EFEMP1: variants seen among roughly 807,000 people sequenced by gnomAD.
The protein encoded by EFEMP1 is EGF-like fibulin extracellular matrix protein 1.
Under a neutral mutation model 65.7 loss-of-function variants are expected in EFEMP1, and 18 were observed. That is an observed-to-expected ratio of 0.27 (90% confidence interval 0.19 to 0.41). EFEMP1 has a LOEUF of 0.41. Among genes scored for constraint, EFEMP1 ranks in the 10% least tolerant of loss-of-function variants. The pLI, the probability that EFEMP1 is intolerant of heterozygous loss-of-function variation, is 1.00. For synonymous variants in EFEMP1, 237 were observed against 219.7 expected (o/e 1.08, Z -0.70); for missense variants, 469 against 624.8 (o/e 0.75, Z 2.66).
rs766271585 is a variant in EFEMP1 at position 55,871,626 on chromosome 2, G to A, written c.1001-503C>T. Among the ~76,000 whole-genome samples the A allele has an allele frequency of 2.6e-5, 4 of 152,028 alleles. No homozygotes were observed. The highest frequency in any genetic ancestry group is 6.6e-5 in the Admixed American group (1 of 15,244). ...CCTTGAAGGGTGGTGGTTAGATGGA[G>A]TTTTCATGGCTGGGGCAGGGAAGGC... is the stretch of plus-strand genomic sequence containing the variant. On this transcript the variant is annotated intron_variant, in intron 9 of 11. Coordinates refer to ENST00000355426, the MANE Select transcript of EFEMP1 (RefSeq NM_001039348.3). The surrounding 1 kb of genome is among the most constrained non-coding windows in gnomAD (Gnocchi z 4.2).
At chr2:55,904,053 T>C (rs533445738) in intron 5 of EFEMP1, among the ~76,000 whole-genome samples, 1 of 152,178 alleles carries the variant, frequency 6.6e-6, no homozygotes, top group Admixed American at 6.5e-5. Context: ...GTTTGCTCCG[T>C]TTTTGCTTTT....
In EFEMP1 at chr2:55,871,829, A is replaced by G. The variant is rs546214355; in HGVS notation, c.1001-706T>C. On this transcript the variant is annotated intron_variant, in intron 9 of 11. Transcript: ENST00000355426. The surrounding 1 kb of genome is among the most constrained non-coding windows in gnomAD (Gnocchi z 4.2). Reference sequence around the variant, plus strand: ...AGGAAGTGAAACTATGAAGTGTTCCACCTCATAGAGCATAGCAATTTTAGG... The same window carrying G: ...AGGAAGTGAAACTATGAAGTGTTCCGCCTCATAGAGCATAGCAATTTTAGG... Among the ~76,000 whole-genome samples the G allele has an allele frequency of 2.3e-4, 35 of 152,182 alleles. No individual in the cohort carries two copies. The South Asian group carries it at 6.0e-3, about 26-fold the overall frequency.
intron 5 of EFEMP1, among the ~76,000 whole-genome samples, chr2:55,915,473 A>G (rs911128611): frequency 1.3e-5 from 2 of 152,202 alleles, no homozygotes; most frequent in African/African-American, 4.8e-5. Flanking sequence ...TAATCACAGT[A>G]CAGTTTCTAC....
Position 55,871,012 on chromosome 2 carries a change from A to G in EFEMP1, c.1112T>C (p.Leu371Pro). 6.2e-7 allele frequency: 1 copy of G among 1,613,768 alleles called. No individual in the cohort carries two copies. The highest frequency in any genetic ancestry group is 8.5e-7 in the Non-Finnish European group (1 of 1,179,802). The stretch of plus-strand genomic sequence containing the variant: ...TGATTTTTCTTACTTCTCTGGTGTT[A>G]GAATGTAGGGATCTTGACAAGGATT... ...PRNPCQDPYILTPENRCVCPV... is the reference protein window; with the variant it reads ...PRNPCQDPYIPTPENRCVCPV... Residue 371 changes from leucine (L) to proline (P), a missense_variant, in exon 10 of 12, where the codon CTA becomes CCA. Leu to Pro is a moderately conservative substitution (Grantham distance 98). This residue lies in a region of EFEMP1 where 399 missense variants were observed against 528.2 expected (regional missense o/e 0.76). Transcript: ENST00000355426. This position sits in a 1 kb window ranked among gnomAD's most constrained non-coding sequence, Gnocchi z 4.2.
At chr2:55,878,191 A>G (rs1212013887) in intron 6 of EFEMP1, among the ~76,000 whole-genome samples, 1 of 152,200 alleles carries the variant, frequency 6.6e-6, no homozygotes, top group East Asian at 1.9e-4. Flanking sequence ...TAATTACAGA[A>G]GTAAAAAAGA....
intron 9 of EFEMP1, among the ~76,000 whole-genome samples, chr2:55,874,714 ATC>A (rs1323019979): frequency 4.6e-5 from 7 of 152,086 alleles, no homozygotes; most frequent in African/African-American, 1.4e-4. Context: ...TAGAATACAT[ATC>A]AATATTTTAT....
chr2:55,911,587 G>A (rs1208267133), intron 5 of EFEMP1, among the ~76,000 whole-genome samples: 6 of 152,010 alleles, frequency 3.9e-5, no homozygotes, highest in African/African-American at 1.2e-4. Context: ...CAGATTGCTG[G>A]TGCTGGCCCC....
At chr2:55,918,623 A>AG (rs1001140997) in intron 3 of EFEMP1, among the ~76,000 whole-genome samples, 3 of 151,246 alleles carry the variant, frequency 2.0e-5, no homozygotes, top group African/African-American at 7.3e-5. Flanking sequence ...TAAAAAAAAA[A>AG]AAGACCAAAT....
At chr2:55,896,344 TC>T (rs1243785681) in intron 5 of EFEMP1, among the ~76,000 whole-genome samples, 1 of 152,218 alleles carries the variant, frequency 6.6e-6, no homozygotes, top group Non-Finnish European at 1.5e-5. Context: ...AATCCAGTGT[TC>T]CAGTAAGTGG....
intron 5 of EFEMP1, among the ~76,000 whole-genome samples, chr2:55,900,976 A>T (rs910555570): frequency 2.6e-5 from 4 of 152,212 alleles, no homozygotes; most frequent in Admixed American, 6.5e-5. Context: ...TTTAACTCTT[A>T]AACAACCTAT....
intron 5 of EFEMP1, among the ~76,000 whole-genome samples, chr2:55,890,668 T>C (rs901797851): frequency 6.6e-6 from 1 of 152,066 alleles, no homozygotes; most frequent in African/African-American, 2.4e-5. Flanking sequence ...AGCCCTTCTT[T>C]TGGAAAATTA....
At chr2:55,872,658 C>T (rs548884736) in intron 9 of EFEMP1, among the ~76,000 whole-genome samples, 1 of 152,146 alleles carries the variant, frequency 6.6e-6, no homozygotes, top group East Asian at 1.9e-4. Context: ...ATTTTAGCTT[C>T]CAAACTGGCT....
At position 55,877,914 on chromosome 2, in the gene EFEMP1, A is replaced by T; in HGVS notation, c.641-49T>A. 2 of 1,607,232 alleles carry T rather than the reference A, an allele frequency of 1.2e-6. No homozygotes were observed. Among genetic ancestry groups the T allele is most frequent in the Middle Eastern group, 1.7e-4 (1 of 6,014 alleles). On this transcript the variant is annotated intron_variant, in intron 6 of 11. Coordinates refer to ENST00000355426, the MANE Select transcript of EFEMP1 (RefSeq NM_001039348.3). The surrounding 1 kb of genome is among the most constrained non-coding windows in gnomAD (Gnocchi z 4.5). ...AAGAGAACCAAATTATTGAATTAGCATTCTCTGAAAAGCATTATCTAGAAA... is the reference window on the plus strand; with the variant it reads ...AAGAGAACCAAATTATTGAATTAGCTTTCTCTGAAAAGCATTATCTAGAAA...
Position 55,883,087 on chromosome 2 carries a change from G to T in EFEMP1, c.518-1353C>A, listed in dbSNP as rs1373045521. ...AGAAATCAGCTTCACTTAGCTGGGT[G>T]TGGAAATGATAAGAGAGATTCTTTC... On this transcript the variant is annotated intron_variant, in intron 5 of 11. Transcript: ENST00000355426. This position sits in a 1 kb window ranked among gnomAD's most constrained non-coding sequence, Gnocchi z 4.5. Among the ~76,000 whole-genome samples the T allele has an allele frequency of 6.6e-6, 1 of 152,140 alleles. No homozygotes were observed. The highest frequency in any genetic ancestry group is 1.5e-5 in the Non-Finnish European group (1 of 68,016).
At chr2:55,911,086 T>C (rs1348214399) in intron 5 of EFEMP1, among the ~76,000 whole-genome samples, 1 of 152,196 alleles carries the variant, frequency 6.6e-6, no homozygotes, top group African/African-American at 2.4e-5. Flanking sequence ...AATAGTTATA[T>C]GATTGCATAT....
Position 55,881,658 on chromosome 2 carries a change from T to C in EFEMP1, c.594A>G (p.Ala198=). The C allele has an allele frequency of 6.2e-7, 1 of 1,613,950 alleles. No homozygotes were observed. Among genetic ancestry groups the C allele is most frequent in the Non-Finnish European group, 8.5e-7 (1 of 1,179,920 alleles). ...QVCINLRGSF[A]CQCPPGYQKR... is the part of the protein sequence containing the mutation. ...TCTGATATCCAGGAGGGCACTGACA[T>C]GCAAAGGATCCCCGTAAATTGATGC... Residue 198 remains alanine, a synonymous_variant, in exon 6 of 12, where the codon GCA becomes GCG. Coordinates refer to ENST00000355426, the MANE Select transcript of EFEMP1 (RefSeq NM_001039348.3).
chr2:55,907,739 A>C (rs1288552422), intron 5 of EFEMP1, among the ~76,000 whole-genome samples: 1 of 152,182 alleles, frequency 6.6e-6, no homozygotes, highest in Non-Finnish European at 1.5e-5. Context: ...GTTGGACCCC[A>C]TGAGTTGTTT....
At chr2:55,891,536 A>T (rs1669626757) in intron 5 of EFEMP1, among the ~76,000 whole-genome samples, 1 of 152,096 alleles carries the variant, frequency 6.6e-6, no homozygotes, top group Non-Finnish European at 1.5e-5. Flanking sequence ...ACTTTCTCTC[A>T]TTTGACACAT....
chr2:55,921,589 C>T lies in EFEMP1; in HGVS notation c.81+771G>A, dbSNP rs998005138. 1.3e-5 allele frequency among the ~76,000 whole-genome samples: 2 copies of T among 152,204 alleles called. No individual in the cohort carries two copies. The highest frequency in any genetic ancestry group is 2.4e-5 in the African/African-American group (1 of 41,442). On this transcript the variant is annotated intron_variant, in intron 3 of 11. Coordinates refer to ENST00000355426, the MANE Select transcript of EFEMP1 (RefSeq NM_001039348.3). The surrounding 1 kb of genome is among the most constrained non-coding windows in gnomAD (Gnocchi z 4.1). ...CAGAACAGAGGTGCAAACAAACTCA[C>T]CAGAAGTGAAGTCAGTACTGTCCTT... is the stretch of plus-strand genomic sequence containing the variant.
Sources: gnomAD v4.1 joint callset for allele counts (sites outside exome capture counted in the v4.1 genomes callset) on GRCh38, gnomAD v4.1.1 for gene constraint, gnomAD v4.1.1 regional missense constraint, Gnocchi (gnomAD v3.1) non-coding constraint, MANE v1.5 for transcripts, NCBI Gene and HGNC (gene_info 2026-07-23, HGNC 2026-07-21) for gene names.